Variants in L3MBTL1 observed in about 807,000 individuals in gnomAD.
L3MBTL1 encodes lethal(3)malignant brain tumor-like protein 1.
A neutral mutation model predicts 105.3 loss-of-function variants in L3MBTL1; 75 were observed. That is an observed-to-expected ratio of 0.71 (90% CI 0.59 to 0.86). The LOEUF is 0.86. L3MBTL1 is among the 40% of genes least tolerant of loss of function. The pLI, the probability that L3MBTL1 is intolerant of heterozygous loss-of-function variation, is 0.00. For missense variants in L3MBTL1, 1,069 were observed against 1,126.4 expected, an observed-to-expected ratio of 0.95 and a Z score of 0.73; for synonymous variants, 452 against 436.2, an observed-to-expected ratio of 1.04 and a Z score of -0.45.
intron 9 of L3MBTL1, 107 bp downstream of exon 9, chr20:43,529,475 C>A (rs1479075137): frequency 2.5e-6 from 2 of 785,314 alleles, no homozygotes; most frequent in South Asian, 3.1e-5. Flanking sequence ...AGAGCACACA[C>A]AATCTAGTAG....
rs769441956 is a variant in L3MBTL1 at position 43,516,189 on chromosome 20, TGTGTGTATATATATTCGTGTGAG to T, written c.862+24_862+46del. Reference sequence around the variant, plus strand: ...CAGCAGCCAGCCTGGTACGGTGGCTTGTGTGTATATATATTCGTGTGAGGTGTGTATATACCTTTGGAGGTGTG... The same window carrying T: ...CAGCAGCCAGCCTGGTACGGTGGCTTGTGTGTATATACCTTTGGAGGTGTG... On this transcript the variant is annotated intron_variant, in intron 7 of 21. Coordinates refer to ENST00000418998, the MANE Select transcript of L3MBTL1 (RefSeq NM_001377303.1). 1.4e-4 allele frequency: 230 copies of T among 1,603,340 alleles called. No individual in the cohort carries two copies. The highest frequency in any genetic ancestry group is 1.8e-4 in the Non-Finnish European group (212 of 1,170,602).
At chr20:43,508,379 C>T (rs924344988) in intron 1 of L3MBTL1, among the ~76,000 whole-genome samples, 4 of 152,296 alleles carry the variant, frequency 2.6e-5, no homozygotes, top group African/African-American at 4.8e-5. Context: ...CCGCTTCCGT[C>T]CCCTCCCGAG....
chr20:43,522,544 T>C (rs1247498860), intron 7 of L3MBTL1, among the ~76,000 whole-genome samples: 1 of 132,616 alleles, frequency 7.5e-6, no homozygotes, highest in Non-Finnish European at 1.5e-5. Flanking sequence ...CGATGTCCGC[T>C]CACTGTGACC....
intron 13 of L3MBTL1, 81 bp from the exon 14 acceptor site, chr20:43,533,927 A>G: frequency 1.0e-6 from 1 of 968,928 alleles, no homozygotes; most frequent in Non-Finnish European, 1.7e-6. Context: ...TGTCCCTTCC[A>G]TGTTCCTGGT....
At chr20:43,533,894 A>C in intron 13 of L3MBTL1, 114 bp from the exon 14 acceptor site, 11 of 760,754 alleles carry the variant, frequency 1.4e-5, no homozygotes, top group East Asian at 4.9e-5. Flanking sequence ...TGATGGTGGG[A>C]GAGATTCTAC....
intron 7 of L3MBTL1, 75 bp downstream of exon 7, chr20:43,516,252 G>C: frequency 9.3e-7 from 1 of 1,070,228 alleles, no homozygotes. Flanking sequence ...TGAGAATGTG[G>C]GTTATGATTG....
At chr20:43,537,960 C>T (rs1040174658) in intron 19 of L3MBTL1, among the ~76,000 whole-genome samples, 2 of 152,304 alleles carry the variant, frequency 1.3e-5, no homozygotes, top group African/African-American at 4.8e-5. Flanking sequence ...TGATAATAAT[C>T]GTACCCACCG....
chr20:43,526,368 A>G (rs899683886), intron 7 of L3MBTL1, among the ~76,000 whole-genome samples: 1 of 152,130 alleles, frequency 6.6e-6, no homozygotes, highest in African/African-American at 2.4e-5. Context: ...AAGCAGCAGG[A>G]TGATGGCATC....
Position 43,515,000 on chromosome 20 carries a change from C to A in L3MBTL1, c.503-9C>A, listed in dbSNP as rs1309777586. ...GGAGGGAGGCCTGAGGCCCATTTGGCCCCCGCAGAGGACCACCCCCAGAAT... is the reference window on the plus strand; with the variant it reads ...GGAGGGAGGCCTGAGGCCCATTTGGACCCCGCAGAGGACCACCCCCAGAAT... On this transcript the variant is annotated splice_polypyrimidine_tract_variant and intron_variant, in intron 4 of 21. Transcript: ENST00000418998. The A allele has an allele frequency of 6.2e-7, 1 of 1,611,828 alleles. No individual in the cohort carries two copies. Among genetic ancestry groups the A allele is most frequent in the African/African-American group, 1.3e-5 (1 of 75,000 alleles).
At chr20:43,547,102 C>CTTTTTTTTTTTTTTTTT (rs11478523) in intron 18 of L3MBTL1, among the ~76,000 whole-genome samples, 2 of 122,646 alleles carry the variant, frequency 1.6e-5, no homozygotes, top group Non-Finnish European at 3.4e-5. Context: ...TTTTTAATGA[C>CTTTTTTTTTTTTTTTTT]TTTTTTTTTT....
At chr20:43,513,085 G>A (rs974815441) in intron 1 of L3MBTL1, among the ~76,000 whole-genome samples, 1 of 152,226 alleles carries the variant, frequency 6.6e-6, no homozygotes, top group Admixed American at 6.5e-5. Flanking sequence ...TTCCAGTGGG[G>A]ATAGAGGTGG....
chr20:43,536,334 G>A (rs1022642441), intron 18 of L3MBTL1, 40 bp downstream of exon 18: 3 of 1,612,048 alleles, frequency 1.9e-6, no homozygotes, highest in Admixed American at 3.3e-5. Context: ...CTTCCTGGGG[G>A]TGTGGGGCCT....
chr20:43,547,569 C>T (rs1204195106), intron 18 of L3MBTL1, among the ~76,000 whole-genome samples: 5 of 152,206 alleles, frequency 3.3e-5, no homozygotes, highest in Non-Finnish European at 7.3e-5. Context: ...CTGTCACTGT[C>T]TCTGTTTCTC....
At position 43,518,116 on chromosome 20, in the gene L3MBTL1, C is replaced by T. The variant is rs372088873; in HGVS notation, c.862+1939C>T. Among the ~76,000 whole-genome samples, 5 of 151,196 alleles carry T rather than the reference C, an allele frequency of 3.3e-5. 1 individual carries two copies. The highest frequency in any genetic ancestry group is 1.3e-4 in the Admixed American group (2 of 15,200). On this transcript the variant is annotated intron_variant, in intron 7 of 21. Transcript: ENST00000418998. ...TTTTGAAGCATACTACTCACTGTCT[C>T]AACTGTGAATATTAGTGTGACATTT...
chr20:43,548,289 C>A (rs1475299857), exon 19 of L3MBTL1: 8 of 1,294,196 alleles, frequency 6.2e-6, no homozygotes, highest in African/African-American at 1.5e-5. Context: ...CTTGGCCTCC[C>A]TCTCCAGCTG....
At chr20:43,532,975 G>A in intron 12 of L3MBTL1, 51 bp downstream of exon 12, 2 of 1,591,408 alleles carry the variant, frequency 1.3e-6, no homozygotes, top group Non-Finnish European at 8.6e-7. Flanking sequence ...ATGGCAGGGG[G>A]CAACTGCTTT....
At chr20:43,526,327 A>G (rs1372896691) in intron 7 of L3MBTL1, among the ~76,000 whole-genome samples, 2 of 152,152 alleles carry the variant, frequency 1.3e-5, no homozygotes, top group Admixed American at 1.3e-4. Context: ...AAGAGGTCTT[A>G]TGCATGATGA....
rs764703865 is a variant in L3MBTL1 at position 43,515,100 on chromosome 20, A to C, written c.594A>C (p.Gln198His). 5.0e-6 allele frequency: 8 copies of C among 1,614,034 alleles called. No individual in the cohort carries two copies. Among genetic ancestry groups the C allele is most frequent in the African/African-American group, 1.3e-5 (1 of 74,920 alleles). Residue 198 changes from glutamine (Q) to histidine (H), a missense_variant, in exon 5 of 22, where the codon CAA becomes CAC. Coordinates refer to ENST00000418998, the MANE Select transcript of L3MBTL1 (RefSeq NM_001377303.1). ...TCQCQACGPH[Q>H]AAGPDLGSSN... ...AGTGCCAGGCGTGCGGGCCTCACCAAGCCGCGGGTCCAGATCTTGGTTCCT... is the reference window on the plus strand; with the variant it reads ...AGTGCCAGGCGTGCGGGCCTCACCACGCCGCGGGTCCAGATCTTGGTTCCT...
At position 43,513,826 on chromosome 20, in the gene L3MBTL1, A is replaced by G; in HGVS notation, c.137-12A>G. 3 of 1,550,386 alleles carry G rather than the reference A, an allele frequency of 1.9e-6. No homozygotes were observed. Among genetic ancestry groups the G allele is most frequent in the Non-Finnish European group, 2.6e-6 (3 of 1,146,812 alleles). On this transcript the variant is annotated splice_polypyrimidine_tract_variant and intron_variant, in intron 2 of 21. Coordinates refer to ENST00000418998, the MANE Select transcript of L3MBTL1 (RefSeq NM_001377303.1). ...TCACCTGTGTCGTGTCTATTTGTATATCTGTTTACAGCCAGTTCGGCCACC... is the reference window on the plus strand; with the variant it reads ...TCACCTGTGTCGTGTCTATTTGTATGTCTGTTTACAGCCAGTTCGGCCACC...
Sources: gnomAD v4.1 joint callset for allele counts (sites outside exome capture counted in the v4.1 genomes callset) on GRCh38, gnomAD v4.1.1 for gene constraint, MANE v1.5 for transcripts, NCBI Gene and HGNC (gene_info 2026-07-23, HGNC 2026-07-21) for gene names.